The following FRMD6 variants were observed in gnomAD, a reference collection of about 807,000 sequenced individuals.
The protein encoded by FRMD6 is FERM domain-containing protein 6.
FRMD6 carries 37 observed loss-of-function variants against 73.2 expected under a neutral mutation model. The observed-to-expected ratio is 0.51, with a 90% confidence interval of 0.39 to 0.66. The LOEUF is 0.66. Ranked by LOEUF, FRMD6 falls within the 30% of genes least tolerant of loss-of-function variation. FRMD6 has a pLI of 0.00. For missense variants in FRMD6, 714 were observed against 780.5 expected, an observed-to-expected ratio of 0.91 and a Z score of 1.02; for synonymous variants, 273 against 282.2, an observed-to-expected ratio of 0.97 and a Z score of 0.33.
At chr14:51,488,482 C>T (rs1882828188), upstream of FRMD6, among the ~76,000 whole-genome samples, 1 of 152,214 alleles carries the variant, frequency 6.6e-6, no homozygotes, top group Admixed American at 6.5e-5. Context: ...AACAGCAGAG[C>T]AAGACTTAAC....
intron 1 of FRMD6, among the ~76,000 whole-genome samples, chr14:51,567,252 T>C (rs1306727659): frequency 6.6e-6 from 1 of 152,192 alleles, no homozygotes; most frequent in Non-Finnish European, 1.5e-5. Flanking sequence ...CTCAAATTTG[T>C]TTTGAAACGA....
chr14:51,475,277 T>C, the FRMD6 span, among the ~76,000 whole-genome samples: 1 of 152,228 alleles, frequency 6.6e-6, no homozygotes, highest in Non-Finnish European at 1.5e-5. Context: ...CCTGAGGATA[T>C]ATGTGGGTCA....
chr14:51,413,492 TC>T, the FRMD6 span, among the ~76,000 whole-genome samples: 7 of 152,224 alleles, frequency 4.6e-5, no homozygotes, highest in African/African-American at 1.7e-4. Flanking sequence ...CATGAACTCA[TC>T]CTTTTTTATG....
chr14:51,683,111 C>T (rs1444426692), intron 1 of FRMD6, among the ~76,000 whole-genome samples: 2 of 152,176 alleles, frequency 1.3e-5, no homozygotes, highest in Admixed American at 1.3e-4. Context: ...TTTCCATTTA[C>T]AACCAACAAT....
chr14:51,487,761 G>T (rs1566771391), upstream of FRMD6, among the ~76,000 whole-genome samples: 1 of 152,174 alleles, frequency 6.6e-6, no homozygotes, highest in African/African-American at 2.4e-5. Flanking sequence ...GCTTAGCCTT[G>T]AAACACATTT....
At chr14:51,714,492 T>C (rs1284511396) in intron 9 of FRMD6, 2 of 152,202 alleles carry the variant, frequency 1.3e-5, no homozygotes, top group Non-Finnish European at 2.9e-5. Context: ...GCCCTATTCA[T>C]TATTAGGAAA....
At chr14:51,703,621 T>C (rs1174053165) in intron 5 of FRMD6, among the ~76,000 whole-genome samples, 2 of 152,086 alleles carry the variant, frequency 1.3e-5, no homozygotes, top group African/African-American at 4.8e-5. Flanking sequence ...TAAGTTTTAA[T>C]GCATCCCTAT....
At chr14:51,536,448 G>A (rs944571045) in intron 1 of FRMD6, among the ~76,000 whole-genome samples, 10 of 150,344 alleles carry the variant, frequency 6.7e-5, no homozygotes, top group African/African-American at 1.7e-4. Flanking sequence ...AGGAAGTCTC[G>A]CTCTTGTCCC....
chr14:51,404,943 T>C, the FRMD6 span, among the ~76,000 whole-genome samples: 1 of 152,076 alleles, frequency 6.6e-6, no homozygotes, highest in African/African-American at 2.4e-5. Context: ...CCCCAACATG[T>C]AGGCCCCAGT....
the FRMD6 span, among the ~76,000 whole-genome samples, chr14:51,471,418 G>A: frequency 1.3e-5 from 2 of 151,362 alleles, no homozygotes; most frequent in African/African-American, 2.4e-5. Flanking sequence ...GGAGAATGGC[G>A]TGAACCCAGG....
At chr14:51,662,246 C>T (rs1483325060) in intron 1 of FRMD6, among the ~76,000 whole-genome samples, 1 of 151,886 alleles carries the variant, frequency 6.6e-6, no homozygotes, top group East Asian at 1.9e-4. Flanking sequence ...GGTATTCTGT[C>T]CATAAAGAAT....
chr14:51,653,498 C>CT (rs1230655004), intron 1 of FRMD6, among the ~76,000 whole-genome samples: 1 of 152,104 alleles, frequency 6.6e-6, no homozygotes, highest in Non-Finnish European at 1.5e-5. Flanking sequence ...GGGTTTCCTT[C>CT]TTAGAGCAGT....
Position 51,728,335 on chromosome 14 carries a change from T to C in FRMD6, c.*306T>C. The stretch of plus-strand genomic sequence containing the variant: ...TATTGGAGTGTGGTGTGTTTGCTCA[T>C]CTGATGCTTTTTAGTTCAGTTACAT... On this transcript the variant is annotated 3_prime_UTR_variant, in exon 14 of 14. Transcript: ENST00000344768. 1.1e-5 allele frequency: 3 copies of C among 269,036 alleles called. No individual in the cohort carries two copies. Among genetic ancestry groups the C allele is most frequent in the Non-Finnish European group, 1.4e-5 (2 of 141,278 alleles). 16.7% of individuals were successfully genotyped at this position (269,036 alleles called of 1,614,324 possible).
At chr14:51,557,551 A>G (rs536774376) in intron 1 of FRMD6, among the ~76,000 whole-genome samples, 1 of 152,294 alleles carries the variant, frequency 6.6e-6, no homozygotes, top group South Asian at 2.1e-4. Context: ...TTCAAATGAT[A>G]CACAATTTCA....
intron 9 of FRMD6, chr14:51,714,365 A>G (rs537332818): frequency 3.9e-5 from 6 of 152,282 alleles, no homozygotes; most frequent in African/African-American, 1.4e-4. Flanking sequence ...ATACAAGCCC[A>G]TACTGCTCCA....
chr14:51,540,627 C>G (rs1247806005), intron 1 of FRMD6, among the ~76,000 whole-genome samples: 1 of 152,074 alleles, frequency 6.6e-6, no homozygotes, highest in Non-Finnish European at 1.5e-5. Context: ...GAAGTAAGCT[C>G]ACTTCCTGTG....
intron 1 of FRMD6, among the ~76,000 whole-genome samples, chr14:51,680,755 A>G (rs528059415): frequency 1.6e-5 from 2 of 125,880 alleles, no homozygotes; most frequent in Non-Finnish European, 3.4e-5. Context: ...GTTTATTATT[A>G]TTGATGTTAT....
intron 1 of FRMD6, among the ~76,000 whole-genome samples, chr14:51,508,337 AT>A (rs1318352834): frequency 1.2e-4 from 19 of 152,170 alleles, no homozygotes; most frequent in Admixed American, 2.0e-4. Flanking sequence ...CCCAGAGCAA[AT>A]TGTCTGGGAG....
At chr14:51,721,311 C>G (rs73296977) in intron 11 of FRMD6, among the ~76,000 whole-genome samples, 1 of 152,166 alleles carries the variant, frequency 6.6e-6, no homozygotes, top group South Asian at 2.1e-4. Context: ...TGCAGCAATC[C>G]GATAAGAAAG....
Sources: allele counts gnomAD v4.1 joint callset (sites outside exome capture counted in the v4.1 genomes callset), GRCh38; gene constraint gnomAD v4.1.1; transcripts MANE v1.5; gene names NCBI Gene and HGNC (gene_info 2026-07-23, HGNC 2026-07-21).